ADCY2: variants seen among roughly 807,000 people sequenced by gnomAD.
The protein encoded by ADCY2 is adenylate cyclase type 2.
Under a neutral mutation model 125.2 loss-of-function variants are expected in ADCY2, and 31 were observed. The observed-to-expected ratio is 0.25, with a 90% CI of 0.19 to 0.33. The LOEUF (loss-of-function observed/expected upper bound fraction) is 0.33. Among genes scored for constraint, ADCY2 ranks in the 10% least tolerant of loss-of-function variants. ADCY2 has a pLI of 1.00. For missense variants in ADCY2, 904 were observed against 1,418.2 expected, an observed-to-expected ratio of 0.64 and a Z score of 5.82; for synonymous variants, 512 against 548.4, an observed-to-expected ratio of 0.93 and a Z score of 0.93.
intron 4 of ADCY2, among the ~76,000 whole-genome samples, chr5:7,652,409 A>G (rs973625973): frequency 1.3e-5 from 2 of 152,188 alleles, no homozygotes; most frequent in African/African-American, 4.8e-5. Context: ...TCAAGTGTCA[A>G]CCGTAAAATA....
At chr5:7,402,408 A>G (rs1014951117) in intron 1 of ADCY2, among the ~76,000 whole-genome samples, 1 of 152,200 alleles carries the variant, frequency 6.6e-6, no homozygotes, top group African/African-American at 2.4e-5. Context: ...TGTTTGTTCA[A>G]CTGTTTTTGG....
intron 2 of ADCY2, among the ~76,000 whole-genome samples, chr5:7,427,716 AG>A (rs1466476405): frequency 6.6e-6 from 1 of 152,190 alleles, no homozygotes; most frequent in Non-Finnish European, 1.5e-5. Flanking sequence ...CTGAGGTTCT[AG>A]GGGGTTAAGC....
chr5:7,757,661 G>C, intron 16 of ADCY2, 75 bp downstream of exon 16: 1 of 1,523,040 alleles, frequency 6.6e-7, no homozygotes. Flanking sequence ...GTAAGCCCCA[G>C]ACCACAGCCG....
chr5:7,482,791 T>TATAC (rs1443104319), intron 2 of ADCY2, among the ~76,000 whole-genome samples: 15 of 139,830 alleles, frequency 1.1e-4, no homozygotes, highest in Admixed American at 2.2e-4. Context: ...TATATATATA[T>TATAC]ACACACACAC....
chr5:7,445,573 G>C (rs535414777), intron 2 of ADCY2, among the ~76,000 whole-genome samples: 3 of 152,256 alleles, frequency 2.0e-5, no homozygotes, highest in African/African-American at 7.2e-5. Flanking sequence ...TAAACCTAAA[G>C]AGAAGTGGTG....
At chr5:7,652,188 C>G (rs1413628081) in intron 4 of ADCY2, among the ~76,000 whole-genome samples, 2 of 152,202 alleles carry the variant, frequency 1.3e-5, no homozygotes, top group East Asian at 3.9e-4. Context: ...GACCTAAAAA[C>G]TGATCAACAG....
chr5:7,553,232 G>A lies in ADCY2; in HGVS notation c.570+32333G>A, dbSNP rs148629273. Among the ~76,000 whole-genome samples, 3 of 152,302 alleles carry A rather than the reference G, an allele frequency of 2.0e-5. No homozygotes were observed. The East Asian group carries it at 5.8e-4, about 29-fold the overall frequency. ...TCTTGACTGTTCTGGTGCCTAAATA[G>A]GATCCCAGATTCATCAAAACTCATC... On this transcript the variant is annotated intron_variant, in intron 3 of 24. Coordinates refer to ENST00000338316, the MANE Select transcript of ADCY2 (RefSeq NM_020546.3).
intron 2 of ADCY2, among the ~76,000 whole-genome samples, chr5:7,485,933 C>G (rs1239895027): frequency 6.6e-6 from 1 of 151,956 alleles, no homozygotes; most frequent in African/African-American, 2.4e-5. Flanking sequence ...GTGATAGTCC[C>G]CCTCATTTGA....
At position 7,691,917 on chromosome 5, in the gene ADCY2, A is replaced by G. The variant is rs375042991; in HGVS notation, c.869+1078A>G. On this transcript the variant is annotated intron_variant, in intron 5 of 24. Coordinates refer to ENST00000338316, the MANE Select transcript of ADCY2 (RefSeq NM_020546.3). ...AAGCAGGCACGTTTTACATGTCCAG[A>G]GAAGGAGAAAGAGAGGGAAGGGGAA... 23 of 156,138 alleles carry G rather than the reference A, an allele frequency of 1.5e-4. No homozygotes were observed. In the South Asian group the frequency reaches 3.2e-3, roughly 22 times the overall value. The allele number at this position is 156,138 out of a possible 1,614,324, so 9.7% of individuals were successfully genotyped here.
rs149172094 is a variant in ADCY2, at chr5:7,727,251, G to A, written c.1861G>A (p.Val621Met). The A allele has an allele frequency of 1.5e-5, 24 of 1,613,696 alleles. No homozygotes were observed. The highest frequency in any genetic ancestry group is 6.7e-5 in the East Asian group (3 of 44,892). The change falls in exon 14 of 25, where the codon GTG becomes ATG. Residue 621 changes from valine to methionine, a missense_variant. Transcript: ENST00000338316. ...CTGCATCTTCATTGTGCAGATTCTC[G>A]TGCTGCCAAAGTAAGTACTTCTGGT... ...FFCIFIVQIL[V>M]LPKTSVLGIS...
At chr5:7,626,015 T>G in intron 3 of ADCY2, 152 bp from the exon 4 acceptor site, 2 of 903,462 alleles carry the variant, frequency 2.2e-6, no homozygotes, top group Non-Finnish European at 3.3e-6. Flanking sequence ...TGTTTTCTGT[T>G]AAGCAAATAA....
chr5:7,698,009 T>C (rs1359297502), intron 6 of ADCY2, among the ~76,000 whole-genome samples: 2 of 152,150 alleles, frequency 1.3e-5, no homozygotes, highest in Non-Finnish European at 2.9e-5. Context: ...TCCAGAACAT[T>C]CTCCCTTCTT....
At position 7,717,241 on chromosome 5, in the gene ADCY2, A is replaced by G. The variant is rs753460172; in HGVS notation, c.1703+4A>G. The G allele has an allele frequency of 1.9e-6, 3 of 1,571,536 alleles. No homozygotes were observed. Among genetic ancestry groups the G allele is most frequent in the Admixed American group, 3.4e-5 (2 of 58,572 alleles). On this transcript the variant is annotated splice_donor_region_variant and intron_variant, in intron 12 of 24. Coordinates refer to ENST00000338316, the MANE Select transcript of ADCY2 (RefSeq NM_020546.3). Reference sequence around the variant, plus strand: ...TTGATGGGATTAATGCACAGAAGTGAGTACTTCTTTCTCTTAAATTATCTT... The same window carrying G: ...TTGATGGGATTAATGCACAGAAGTGGGTACTTCTTTCTCTTAAATTATCTT...
intron 2 of ADCY2, among the ~76,000 whole-genome samples, chr5:7,452,875 T>C (rs769816241): frequency 6.6e-6 from 1 of 152,200 alleles, no homozygotes; most frequent in Non-Finnish European, 1.5e-5. Context: ...TTTTTTCATA[T>C]GTTTGTTAGC....
intron 11 of ADCY2, among the ~76,000 whole-genome samples, chr5:7,716,118 G>A (rs975862617): frequency 3.9e-5 from 6 of 152,076 alleles, no homozygotes; most frequent in African/African-American, 1.4e-4. Flanking sequence ...CTTACTATTT[G>A]GCACAATTTA....
chr5:7,610,885 T>A (rs562025386), intron 3 of ADCY2, among the ~76,000 whole-genome samples: 74 of 152,346 alleles, frequency 4.9e-4, no homozygotes, highest in Non-Finnish European at 1.0e-3. Flanking sequence ...AATAAAGGAA[T>A]TTTAAAATGC....
At chr5:7,475,276 A>G (rs1315830315) in intron 2 of ADCY2, among the ~76,000 whole-genome samples, 2 of 152,126 alleles carry the variant, frequency 1.3e-5, no homozygotes, top group South Asian at 4.1e-4. Flanking sequence ...ACAAGGCCTG[A>G]ATCTCCTCTG....
At chr5:7,741,583 C>CCATCT (rs1742408831) in intron 14 of ADCY2, among the ~76,000 whole-genome samples, 1 of 7,426 alleles carries the variant, frequency 1.3e-4, no homozygotes, top group South Asian at 3.9e-3. Context: ...CATCACCATC[C>CCATCT]CTATCACCAT....
intron 3 of ADCY2, among the ~76,000 whole-genome samples, chr5:7,602,460 A>G (rs927033577): frequency 2.0e-5 from 3 of 152,080 alleles, no homozygotes; most frequent in Non-Finnish European, 4.4e-5. Context: ...CAGCTTGCAG[A>G]CCTTCATGCA....
Sources: gnomAD v4.1 joint callset for allele counts (sites outside exome capture counted in the v4.1 genomes callset) on GRCh38, gnomAD v4.1.1 for gene constraint, MANE v1.5 for transcripts, NCBI Gene and HGNC (gene_info 2026-07-23, HGNC 2026-07-21) for gene names.